The following LRRC37B variants were observed in gnomAD, a reference collection of about 807,000 sequenced individuals.
LRRC37B encodes the protein leucine-rich repeat-containing protein 37B.
A neutral mutation model predicts 98.3 loss-of-function variants in LRRC37B; 28 were observed. The observed-to-expected ratio is 0.28, with a 90% confidence interval of 0.21 to 0.39. The LOEUF (loss-of-function observed/expected upper bound fraction) is 0.39. LRRC37B is among the 10% of genes least tolerant of loss of function. The pLI, the probability that LRRC37B is intolerant of heterozygous loss-of-function variation, is 1.00. For missense variants in LRRC37B, 938 were observed against 1,182.7 expected, an observed-to-expected ratio of 0.79 and a Z score of 3.03; for synonymous variants, 364 against 442.7, an observed-to-expected ratio of 0.82 and a Z score of 2.23.
chr17:32,045,930 CTCAG>C lies in LRRC37B; in HGVS notation c.2323+117_2323+120del. On this transcript the variant is annotated intron_variant, in intron 8 of 11. Coordinates refer to ENST00000327564, the Ensembl canonical transcript of LRRC37B. ...GCTGATGATATAATTGTTTTATTTA[CTCAG>C]TCAGATTTCAACTCCCTCAACTTCT... is the stretch of plus-strand genomic sequence containing the variant. The C allele has an allele frequency of 3.3e-6, 4 of 1,201,760 alleles. No individual in the cohort carries two copies. In the Admixed American group the frequency reaches 7.0e-5, roughly 21 times the overall value. 74.4% of individuals were successfully genotyped at this position (1,201,760 alleles called of 1,614,324 possible).
At chr17:32,012,575 G>C (rs535183661) in intron 1 of LRRC37B, among the ~76,000 whole-genome samples, 81 of 151,932 alleles carry the variant, frequency 5.3e-4, no homozygotes, top group African/African-American at 1.7e-3. Context: ...AAACAGCCTG[G>C]TGTGGTGGCA....
chr17:32,050,187 A>G (rs773356847), intron 11 of LRRC37B, 80 bp downstream of exon 14: 8 of 801,116 alleles, frequency 1.0e-5, no homozygotes, highest in Non-Finnish European at 1.6e-5. Flanking sequence ...CTGAAAACCA[A>G]CGTCACTTTC....
At chr17:32,024,913 T>C (rs928188152) in intron 2 of LRRC37B, 131 bp downstream of exon 5, 3 of 1,203,654 alleles carry the variant, frequency 2.5e-6, no homozygotes, top group Non-Finnish European at 3.4e-6. Flanking sequence ...CCTCTGTGGA[T>C]TGCAATCCTA....
exon 1 of LRRC37B, chr17:32,021,895 G>C (rs1418586729): frequency 5.0e-6 from 8 of 1,613,916 alleles, no homozygotes; most frequent in Non-Finnish European, 6.8e-6. Flanking sequence ...GAGCCTCCAG[G>C]GCCTCCTGAG....
exon 1 of LRRC37B, chr17:32,022,139 G>C: frequency 1.2e-6 from 2 of 1,613,674 alleles, no homozygotes; most frequent in Non-Finnish European, 1.7e-6. Flanking sequence ...CTCCAGGTGA[G>C]GATCAAGCTC....
At chr17:32,020,387 G>C (rs188202350), upstream of LRRC37B, among the ~76,000 whole-genome samples, 160 of 149,256 alleles carry the variant, frequency 1.1e-3, no homozygotes, top group African/African-American at 3.6e-3. Flanking sequence ...ATCTCTGAAG[G>C]GTGGCGCTGT....
At chr17:32,040,271 G>T in intron 7 of LRRC37B, 1 of 298,868 alleles carries the variant, frequency 3.3e-6, no homozygotes. Flanking sequence ...CCTGCGAACA[G>T]ATCTAGATTG....
intron 7 of LRRC37B, among the ~76,000 whole-genome samples, chr17:32,043,234 A>G (rs568873078): frequency 1.3e-5 from 2 of 152,250 alleles, no homozygotes; most frequent in Non-Finnish European, 2.9e-5. Context: ...CTTAAAGGAA[A>G]AAAAGAAAAT....
chr17:32,035,835 C>T (rs1010493482), intron 7 of LRRC37B, 196 bp downstream of exon 10: 3 of 526,418 alleles, frequency 5.7e-6, no homozygotes, highest in African/African-American at 2.0e-5. Flanking sequence ...ATTTCTGTCA[C>T]CTCAGAAAGG....
chr17:32,013,410 C>G (rs56137958), intron 1 of LRRC37B, among the ~76,000 whole-genome samples: 1 of 152,016 alleles, frequency 6.6e-6, no homozygotes, highest in African/African-American at 2.4e-5. Context: ...ACATTTAATA[C>G]GATTGATAAT....
chr17:32,039,601 TTATATA>T (rs200331701), intron 7 of LRRC37B, among the ~76,000 whole-genome samples: 1 of 133,232 alleles, frequency 7.5e-6, no homozygotes, highest in Non-Finnish European at 1.6e-5. Flanking sequence ...TTTATATATA[TTATATA>T]TATATATATA....
At chr17:32,030,961 C>T (rs1470709739) in intron 4 of LRRC37B, among the ~76,000 whole-genome samples, 199 of 152,040 alleles carry the variant, frequency 1.3e-3, no homozygotes, top group African/African-American at 4.3e-3. Flanking sequence ...ACTCAGGTGA[C>T]ATTTGGTAAT....
At chr17:32,047,277 C>T (rs2142261961) in intron 8 of LRRC37B, 1 of 200,078 alleles carries the variant, frequency 5.0e-6, no homozygotes, top group Middle Eastern at 2.2e-3. Flanking sequence ...AGCATCTCCA[C>T]CCTGCTCCTC....
chr17:32,026,261 C>A (rs527582638), intron 2 of LRRC37B, among the ~76,000 whole-genome samples: 1 of 152,254 alleles, frequency 6.6e-6, no homozygotes, highest in East Asian at 1.9e-4. Flanking sequence ...ACGCCTGTAA[C>A]CCCAGCACCT....
chr17:32,042,152 C>T, intron 7 of LRRC37B: 4 of 296,156 alleles, frequency 1.4e-5, no homozygotes, highest in South Asian at 1.2e-4. Context: ...AGACAGAGGC[C>T]AGCTGGGATC....
chr17:32,029,314 T>C (rs952186916), intron 3 of LRRC37B, among the ~76,000 whole-genome samples: 2 of 152,194 alleles, frequency 1.3e-5, no homozygotes, highest in African/African-American at 4.8e-5. Context: ...TCATTTGTTT[T>C]ACAAATATTT....
At chr17:32,014,350 ACAT>A (rs1910603483) in intron 1 of LRRC37B, among the ~76,000 whole-genome samples, 1 of 152,228 alleles carries the variant, frequency 6.6e-6, no homozygotes, top group Non-Finnish European at 1.5e-5. Flanking sequence ...TAACTGCAGA[ACAT>A]CTTTAAAGTA....
chr17:32,040,591 A>G (rs1316563187), intron 7 of LRRC37B: 7 of 771,526 alleles, frequency 9.1e-6, no homozygotes, highest in Non-Finnish European at 1.5e-5. Context: ...AGGACCATCA[A>G]GTACCTGCAG....
At chr17:32,035,700 T>C (rs1251641601) in intron 7 of LRRC37B, 61 bp downstream of exon 10, 1 of 1,473,004 alleles carries the variant, frequency 6.8e-7, no homozygotes, top group Non-Finnish European at 9.4e-7. Context: ...TGTTTTATTA[T>C]TTTCTTAAGT....
Sources: allele counts gnomAD v4.1 joint callset (sites outside exome capture counted in the v4.1 genomes callset), GRCh38; gene constraint gnomAD v4.1.1; transcripts MANE v1.5; gene names NCBI Gene and HGNC (gene_info 2026-07-23, HGNC 2026-07-21).